C19orf25: variants seen among roughly 807,000 people sequenced by gnomAD.
C19orf25 encodes the protein chromosome 19 open reading frame 25, also known as UPF0449 protein C19orf25.
Under a neutral mutation model 3.1 loss-of-function variants are expected in C19orf25, and 1 was observed. That is an observed-to-expected ratio of 0.32 (90% CI 0.12 to 1.54). The LOEUF (loss-of-function observed/expected upper bound fraction) is 1.54. C19orf25 is among the 40% of genes most tolerant of loss of function. The probability of loss-of-function intolerance (pLI) is 0.38; values close to 1 mark genes in which losing one functional copy is unlikely to be tolerated. For synonymous variants in C19orf25, 91 were observed against 74.3 expected, an observed-to-expected ratio of 1.23 and a Z score of -1.16; for missense variants, 196 against 160.4, an observed-to-expected ratio of 1.22 and a Z score of -1.20.
At chr19:1,478,431 T>G in intron 2 of C19orf25, 1 of 498,676 alleles carries the variant, frequency 2.0e-6, no homozygotes, top group Non-Finnish European at 3.2e-6. Context: ...TTGTTTTTGT[T>G]TTTGTTTTGT....
In C19orf25 at chr19:1,474,078, T is replaced by G. The variant is rs1358246659; in HGVS notation, c.*954A>C. 6.6e-6 allele frequency: 1 copy of G among 152,170 alleles called. No individual in the cohort carries two copies. The highest frequency in any genetic ancestry group is 2.4e-5 in the African/African-American group (1 of 41,410). 9.4% of individuals were successfully genotyped at this position (152,170 alleles called of 1,614,324 possible). On this transcript the variant is annotated 3_prime_UTR_variant, in exon 3 of 3. Transcript: ENST00000585675. ...CCCTGCATGCAGTGCCCGGCAGGAC[T>G]GAGCAGGGTTCCCGGGGTCGCCGGT...
At chr19:1,475,389 A>C in intron 2 of C19orf25, 131 bp from the exon 3 acceptor site, 29 of 887,350 alleles carry the variant, frequency 3.3e-5, no homozygotes, top group Non-Finnish European at 4.6e-5. Flanking sequence ...TCTTCTTAAC[A>C]TGACGGATGC....
chr19:1,478,951 C>T, intron 1 of C19orf25, 46 bp from the exon 2 acceptor site: 4 of 1,519,960 alleles, frequency 2.6e-6, no homozygotes, highest in South Asian at 1.2e-5. Flanking sequence ...CACCTCTCCG[C>T]CCTTGCCCGG....
rs1438609562 is a variant in C19orf25 at position 1,475,265 on chromosome 19, C to A, written c.131-7G>T. 8.5e-6 allele frequency: 13 copies of A among 1,536,676 alleles called. No homozygotes were observed. The highest frequency in any genetic ancestry group is 5.9e-5 in the Admixed American group (3 of 50,728). On this transcript the variant is annotated splice_polypyrimidine_tract_variant and splice_region_variant and intron_variant, in intron 2 of 2. Transcript: ENST00000585675. ...CTGAAGGGAACTGGGGGGTCTGAGA[C>A]AGGACACAGCAGCATCACTGCCTGC...
rs1408809631 is a variant in C19orf25 at position 1,473,527 on chromosome 19, T to G, written c.*1505A>C. ...ACCTGGGCATTGGTACCTGGGCCAGTTATTATGGCAGGCCCCAGTGTGGGG... is the reference window on the plus strand; with the variant it reads ...ACCTGGGCATTGGTACCTGGGCCAGGTATTATGGCAGGCCCCAGTGTGGGG... On this transcript the variant is annotated 3_prime_UTR_variant, in exon 3 of 3. Coordinates refer to ENST00000585675, the MANE Select transcript of C19orf25 (RefSeq NM_152482.3). The G allele has an allele frequency of 6.6e-6, 1 of 152,136 alleles. No homozygotes were observed. Among genetic ancestry groups the G allele is most frequent in the Non-Finnish European group, 1.5e-5 (1 of 68,036 alleles). The allele number at this position is 152,136 out of a possible 1,614,324, so 9.4% of individuals were successfully genotyped here.
chr19:1,474,656 G>T lies in C19orf25; in HGVS notation c.*376C>A. The stretch of plus-strand genomic sequence containing the variant: ...AGTTAACACCTCGATCCCAACACCT[G>T]GACTCAGAAGTGGACAGGCGAGTGC... On this transcript the variant is annotated 3_prime_UTR_variant, in exon 3 of 3. Transcript: ENST00000585675. The T allele has an allele frequency of 1.5e-6, 1 of 648,404 alleles. No homozygotes were observed. Among genetic ancestry groups the T allele is most frequent in the Non-Finnish European group, 2.5e-6 (1 of 406,062 alleles). The allele number at this position is 648,404 out of a possible 1,614,324, so 40.2% of individuals were successfully genotyped here. A position where few individuals can be genotyped will look rare whatever the true frequency, so the allele number is the denominator to read the frequency against.
chr19:1,476,071 G>GT, intron 2 of C19orf25: 1 of 397,564 alleles, frequency 2.5e-6, no homozygotes, highest in Non-Finnish European at 4.4e-6. Context: ...GGGCATTGAC[G>GT]TCCTGGTGAC....
At chr19:1,478,680 G>C in intron 2 of C19orf25, 94 bp downstream of exon 2, 1 of 1,516,616 alleles carries the variant, frequency 6.6e-7, no homozygotes, top group Non-Finnish European at 8.9e-7. Context: ...GGGTTCCCAG[G>C]GCGTGGGGTC....
chr19:1,475,375 G>C, intron 2 of C19orf25, 117 bp from the exon 3 acceptor site: 1 of 1,077,646 alleles, frequency 9.3e-7, no homozygotes, highest in Admixed American at 2.8e-5. Flanking sequence ...CTTGCCAGCC[G>C]GGGTCTTCTT....
chr19:1,477,484 G>A (rs1213227026), intron 2 of C19orf25, among the ~76,000 whole-genome samples: 1 of 152,234 alleles, frequency 6.6e-6, no homozygotes, highest in Non-Finnish European at 1.5e-5. Context: ...TCACCCAACT[G>A]CACTGCTGAA....
rs938200548 is a variant in C19orf25 at position 1,478,362 on chromosome 19, T to A, written c.130+412A>T. On this transcript the variant is annotated intron_variant, in intron 2 of 2. Coordinates refer to ENST00000585675, the MANE Select transcript of C19orf25 (RefSeq NM_152482.3). ...TTCAAGCGATTCTCCTGCCTCAGCC[T>A]CCCGAGTAGCTGAGATTACAGGCGC... 4.0e-4 allele frequency: 129 copies of A among 318,842 alleles called. 4 individuals are homozygous for A. The highest frequency in any genetic ancestry group is 2.0e-4 in the Non-Finnish European group (35 of 175,394). 19.8% of individuals were successfully genotyped at this position (318,842 alleles called of 1,614,324 possible).
At chr19:1,478,245 A>ATTT (rs543535192) in intron 2 of C19orf25, among the ~76,000 whole-genome samples, 1 of 140,410 alleles carries the variant, frequency 7.1e-6, no homozygotes, top group Non-Finnish European at 1.6e-5. Flanking sequence ...ACACCCAGTA[A>ATTT]TTTTTTTTTT....
At position 1,478,765 on chromosome 19, in the gene C19orf25, TC is replaced by T; in HGVS notation, c.130+8del. On this transcript the variant is annotated splice_region_variant and intron_variant, in intron 2 of 2. Transcript: ENST00000585675. ...GGTCCGCTTTTCCCCGGGACCGGGC[TC>T]CCCCTACCTTCCGGGGCCAGGATGG... 1 of 1,562,098 alleles carries T rather than the reference TC, an allele frequency of 6.4e-7. No individual in the cohort carries two copies. The highest frequency in any genetic ancestry group is 8.7e-7 in the Non-Finnish European group (1 of 1,153,568).
At chr19:1,478,412 G>GTTTTGT (rs138052264) in intron 2 of C19orf25, 47 of 450,526 alleles carry the variant, frequency 1.0e-4, no homozygotes, top group African/African-American at 3.4e-4. Context: ...AGCTAACTCT[G>GTTTTGT]TTTTGTTTTT....
At chr19:1,478,462 CGG>C in intron 2 of C19orf25, 1 of 608,162 alleles carries the variant, frequency 1.6e-6, no homozygotes, top group East Asian at 3.5e-5. Context: ...TTAGCAGAGA[CGG>C]GGTTTCACCA....
At chr19:1,475,980 C>T (rs1015386585) in intron 2 of C19orf25, 7 of 385,432 alleles carry the variant, frequency 1.8e-5, no homozygotes, top group African/African-American at 4.1e-5. Flanking sequence ...GCAACAAGCC[C>T]GCCACCGAAA....
Position 1,474,886 on chromosome 19 carries a change from G to T in C19orf25, c.*146C>A, listed in dbSNP as rs950808947. 1 of 1,506,282 alleles carries T rather than the reference G, an allele frequency of 6.6e-7. No individual in the cohort carries two copies. The highest frequency in any genetic ancestry group is 2.1e-5 in the Admixed American group (1 of 48,368). The allele number at this position is 1,506,282 out of a possible 1,614,324, so 93.3% of individuals were successfully genotyped here. The stretch of plus-strand genomic sequence containing the variant: ...GCATGAATGAGACGACGGATGAACC[G>T]CAGCCCCAGCATCAGGAGGGGCGCC... On this transcript the variant is annotated 3_prime_UTR_variant, in exon 3 of 3. Transcript: ENST00000585675.
rs570931218 is a variant in C19orf25 at position 1,475,181 on chromosome 19, C to G, written c.208G>C (p.Val70Leu). Reference protein sequence around the residue: ...EQLYQQSRAYVAANQRLQQAG... With the variant: ...EQLYQQSRAYLAANQRLQQAG... ...TGCTGCAGCCGCTGGTTGGCAGCCA[C>G]GTAGGCCCGGCTTTGCTGGTAGAGC... Residue 70 changes from valine to leucine, a missense_variant, in exon 3 of 3, where the codon GTG (valine) becomes CTG (leucine). By Grantham distance (32) the Val-to-Leu change is conservative (BLOSUM62 1). Coordinates refer to ENST00000585675, the MANE Select transcript of C19orf25 (RefSeq NM_152482.3). 1.3e-6 allele frequency: 2 copies of G among 1,573,408 alleles called. No homozygotes were observed. The highest frequency in any genetic ancestry group is 1.4e-5 in the African/African-American group (1 of 74,014).
Position 1,475,035 on chromosome 19 carries a change from G to T in C19orf25, c.354C>A (p.Gly118=). 6.3e-7 allele frequency: 1 copy of T among 1,587,072 alleles called. No homozygotes were observed. The change falls in exon 3 of 3, where the codon GGC becomes GGA. Residue 118 remains glycine, a synonymous_variant. Transcript: ENST00000585675. ...CAAGCCTGCAGGCCCCGAGAGGTCA[G>T]CCTGAGGAGGCAGCCTCGGCTGCCG... ...ALPAAEAASS[G]
Sources: gnomAD v4.1 joint callset for allele counts (sites outside exome capture counted in the v4.1 genomes callset) on GRCh38, gnomAD v4.1.1 for gene constraint, MANE v1.5 for transcripts, NCBI Gene and HGNC (gene_info 2026-07-23, HGNC 2026-07-21) for gene names.